The following ANKDD1A variants were observed in gnomAD, a reference collection of about 807,000 sequenced individuals.
ANKDD1A encodes ankyrin repeat and death domain-containing protein 1A.
ANKDD1A carries 59 observed loss-of-function variants against 63.5 expected under a neutral mutation model. The ratio of observed to expected loss-of-function variants is 0.93; its 90% confidence interval spans 0.75 to 1.15. The LOEUF (loss-of-function observed/expected upper bound fraction) is 1.15, where lower values mean the gene tolerates loss of function less well. ANKDD1A is among the 50% of genes most tolerant of loss of function. The pLI, the probability that ANKDD1A is intolerant of heterozygous loss-of-function variation, is 0.00. For synonymous variants in ANKDD1A, 266 were observed against 263.9 expected, an observed-to-expected ratio of 1.01 and a Z score of -0.08; for missense variants, 632 against 656.4, an observed-to-expected ratio of 0.96 and a Z score of 0.41.
chr15:64,946,131 G>A (rs1371200411), intron 12 of ANKDD1A, among the ~76,000 whole-genome samples: 2 of 152,130 alleles, frequency 1.3e-5, no homozygotes, highest in Non-Finnish European at 2.9e-5. Flanking sequence ...TGGGTCCCAT[G>A]TTTAAACTTA....
At chr15:64,936,331 A>G (rs554715400) in intron 9 of ANKDD1A, among the ~76,000 whole-genome samples, 1 of 152,294 alleles carries the variant, frequency 6.6e-6, no homozygotes, top group South Asian at 2.1e-4. Context: ...CTGCCCATCA[A>G]GACACCAGAA....
At chr15:64,947,633 C>T (rs761489922) in intron 13 of ANKDD1A, 40 bp downstream of exon 13, 16 of 1,597,514 alleles carry the variant, frequency 1.0e-5, no homozygotes, top group African/African-American at 5.3e-5. Flanking sequence ...AACCATTGGG[C>T]GGAGGGGTGG....
At chr15:64,941,453 G>C (rs2085184190) in intron 9 of ANKDD1A, among the ~76,000 whole-genome samples, 1 of 152,192 alleles carries the variant, frequency 6.6e-6, no homozygotes, top group South Asian at 2.1e-4. Flanking sequence ...ATGATGGGAG[G>C]CATCACACGG....
chr15:64,954,889 CCTT>C (rs1002300159), intron 14 of ANKDD1A, among the ~76,000 whole-genome samples: 1 of 145,040 alleles, frequency 6.9e-6, no homozygotes, highest in East Asian at 2.0e-4. Flanking sequence ...TTCTCCTCCT[CCTT>C]CTTCCTTCTT....
At chr15:64,915,340 G>A (rs903538997) in intron 1 of ANKDD1A, among the ~76,000 whole-genome samples, 5 of 152,302 alleles carry the variant, frequency 3.3e-5, no homozygotes, top group African/African-American at 1.2e-4. Context: ...TGCAGGAGTG[G>A]GGTAAACATG....
At chr15:64,913,988 GTTTTC>G (rs535458941) in intron 1 of ANKDD1A, 1 of 106,728 alleles carries the variant, frequency 9.4e-6, no homozygotes, top group Non-Finnish European at 1.9e-5. Context: ...TTTTGTTTCT[GTTTTC>G]TTTTTTTTTT....
At chr15:64,953,844 T>TCC (rs2085361746) in intron 14 of ANKDD1A, among the ~76,000 whole-genome samples, 4 of 16,572 alleles carry the variant, frequency 2.4e-4, no homozygotes, top group African/African-American at 3.3e-4. Context: ...TCCTCTTCTT[T>TCC]TCTTCTTTCC....
intron 9 of ANKDD1A, among the ~76,000 whole-genome samples, chr15:64,940,441 T>TAGATAGAC (rs1420931679): frequency 6.7e-6 from 1 of 148,638 alleles, no homozygotes; most frequent in African/African-American, 2.5e-5. Context: ...GATATATAGA[T>TAGATAGAC]ATTTTTTTTG....
At chr15:64,939,873 A>G (rs2085166674) in intron 9 of ANKDD1A, among the ~76,000 whole-genome samples, 1 of 152,224 alleles carries the variant, frequency 6.6e-6, no homozygotes, top group Non-Finnish European at 1.5e-5. Context: ...CTTAAGTGTA[A>G]AACTATAAAG....
At chr15:64,930,499 C>T (rs1195903464) in intron 6 of ANKDD1A, among the ~76,000 whole-genome samples, 1 of 152,174 alleles carries the variant, frequency 6.6e-6, no homozygotes, top group Non-Finnish European at 1.5e-5. Context: ...CTGCCTGGAA[C>T]AGCCTGAGCG....
At chr15:64,952,882 TCTC>T (rs1311409051) in intron 14 of ANKDD1A, among the ~76,000 whole-genome samples, 12 of 115,902 alleles carry the variant, frequency 1.0e-4, no homozygotes, top group East Asian at 3.5e-4. Flanking sequence ...TCTTTCTTCT[TCTC>T]CTTCTTCCTT....
In ANKDD1A at chr15:64,947,507, A is replaced by G. The variant is rs1346106430; in HGVS notation, c.1265A>G (p.Tyr422Cys). 5 of 1,613,936 alleles carry G rather than the reference A, an allele frequency of 3.1e-6. No individual in the cohort carries two copies. The Admixed American group carries it at 5.0e-5, about 16-fold the overall frequency. Residue 422 changes from tyrosine (Y) to cysteine (C), a missense_variant, in exon 13 of 15, where the codon TAT becomes TGT. Tyr to Cys is a radical substitution (Grantham distance 194). Coordinates refer to ENST00000319580, the MANE Select transcript of ANKDD1A (RefSeq NM_182703.6). The part of the protein sequence containing the change: ...RSVLWRLASR[Y>C]LQPREWKKLA... ...GTGCTGTGGCGGCTGGCCTCCAGGT[A>G]TCTGCAGCCCCGTGAGTGGAAGAAG...
At chr15:64,934,039 T>C (rs2085108807) in intron 8 of ANKDD1A, 97 bp from the exon 9 acceptor site, 2 of 971,612 alleles carry the variant, frequency 2.1e-6, no homozygotes, top group Non-Finnish European at 3.1e-6. Flanking sequence ...CCCAGGGGTG[T>C]TGTGACACTC....
chr15:64,954,488 CT>C (rs1268031081), intron 14 of ANKDD1A, among the ~76,000 whole-genome samples: 5 of 136,284 alleles, frequency 3.7e-5, no homozygotes, highest in Admixed American at 2.3e-4. Context: ...TTTCTTCTTC[CT>C]TCTCCTTCTT....
chr15:64,915,543 G>A (rs903507954), intron 1 of ANKDD1A, among the ~76,000 whole-genome samples: 4 of 152,110 alleles, frequency 2.6e-5, no homozygotes, highest in Non-Finnish European at 4.4e-5. Flanking sequence ...AAATGGCTTC[G>A]CCCTGCTCTT....
chr15:64,925,187 C>CACTGT (rs1273909294), intron 4 of ANKDD1A, among the ~76,000 whole-genome samples: 1 of 141,036 alleles, frequency 7.1e-6, no homozygotes, highest in Non-Finnish European at 1.5e-5. Flanking sequence ...GAGATCGCAC[C>CACTGT]ACTGTACTCT....
intron 9 of ANKDD1A, among the ~76,000 whole-genome samples, chr15:64,940,008 C>T (rs777450871): frequency 6.6e-6 from 1 of 151,796 alleles, no homozygotes; most frequent in Admixed American, 6.6e-5. Flanking sequence ...TCATCAAAAT[C>T]AAAAAATTTT....
chr15:64,946,509 C>G (rs1003501155), intron 12 of ANKDD1A, among the ~76,000 whole-genome samples: 2 of 152,194 alleles, frequency 1.3e-5, no homozygotes, highest in African/African-American at 4.8e-5. Flanking sequence ...GCCGATTCAT[C>G]TCTGTGCTGA....
rs369950609 is a variant in ANKDD1A at position 64,917,374 on chromosome 15, C to T, written c.139-12C>T. On this transcript the variant is annotated splice_polypyrimidine_tract_variant and intron_variant, in intron 2 of 14. Transcript: ENST00000319580. ...CAGCAGCACCTGACAAGTGTCATCTCCCTCCGGGCAGGTGGGCAGGGTGGC... is the reference window on the plus strand; with the variant it reads ...CAGCAGCACCTGACAAGTGTCATCTTCCTCCGGGCAGGTGGGCAGGGTGGC... The T allele has an allele frequency of 4.2e-5, 67 of 1,597,982 alleles. 1 individual carries two copies. Among genetic ancestry groups the T allele is most frequent in the African/African-American group, 1.1e-4 (8 of 74,606 alleles).
Sources: allele counts gnomAD v4.1 joint callset (sites outside exome capture counted in the v4.1 genomes callset), GRCh38; gene constraint gnomAD v4.1.1; transcripts MANE v1.5; gene names NCBI Gene and HGNC (gene_info 2026-07-23, HGNC 2026-07-21).